The following SRFBP1 variants were observed in gnomAD, a reference collection of about 807,000 sequenced individuals.
SRFBP1 encodes serum response factor binding protein 1, also known as serum response factor-binding protein 1.
Under a neutral mutation model 45.5 loss-of-function variants are expected in SRFBP1, and 47 were observed. That is an observed-to-expected ratio of 1.03 (90% CI 0.82 to 1.32). The LOEUF (loss-of-function observed/expected upper bound fraction) is 1.32. Among genes scored for constraint, SRFBP1 ranks in the 40% most tolerant of loss-of-function variants. The probability of loss-of-function intolerance (pLI) is 0.00; values close to 1 mark genes in which losing one functional copy is unlikely to be tolerated. For missense variants in SRFBP1, 621 were observed against 484.6 expected (o/e 1.28, Z -2.64); for synonymous variants, 203 against 166.3 (o/e 1.22, Z -1.70).
At chr5:122,074,963 T>A (rs1754574552) in intron 2 of SRFBP1, among the ~76,000 whole-genome samples, 1 of 152,234 alleles carries the variant, frequency 6.6e-6, no homozygotes, top group Non-Finnish European at 1.5e-5. Flanking sequence ...TACAGGTCTT[T>A]TAAAAGATGG....
At chr5:121,989,144 A>G (rs181821151) in intron 3 of SRFBP1, among the ~76,000 whole-genome samples, 2 of 151,334 alleles carry the variant, frequency 1.3e-5, no homozygotes, top group Non-Finnish European at 2.9e-5. Flanking sequence ...GCTCACTGCA[A>G]CCTCCACCTC....
At chr5:122,019,380 ATTTGTAGACT>A in intron 5 of SRFBP1, 39 bp downstream of exon 5, 1 of 1,493,088 alleles carries the variant, frequency 6.7e-7, no homozygotes, top group East Asian at 2.3e-5. Flanking sequence ...TACTTAATGT[ATTTGTAGACT>A]TTGGATAATG....
At chr5:122,053,873 A>G (rs1009505837) in intron 2 of SRFBP1, among the ~76,000 whole-genome samples, 5 of 152,134 alleles carry the variant, frequency 3.3e-5, no homozygotes, top group Non-Finnish European at 7.4e-5. Context: ...TTCCTGGTAC[A>G]TCAGGAAGCT....
intron 4 of SRFBP1, among the ~76,000 whole-genome samples, chr5:121,998,483 G>A (rs1752781571): frequency 7.4e-6 from 1 of 135,680 alleles, no homozygotes; most frequent in South Asian, 2.5e-4. Flanking sequence ...CATGGACACA[G>A]GAAGGGGAAT....
intron 2 of SRFBP1, among the ~76,000 whole-genome samples, chr5:122,061,357 T>C (rs751053453): frequency 2.6e-5 from 4 of 151,864 alleles, no homozygotes; most frequent in Non-Finnish European, 5.9e-5. Context: ...GACACAGGCA[T>C]ATTCTTGGTA....
intron 2 of SRFBP1, among the ~76,000 whole-genome samples, chr5:122,037,988 G>A (rs998975227): frequency 6.6e-6 from 1 of 152,172 alleles, no homozygotes; most frequent in Non-Finnish European, 1.5e-5. Flanking sequence ...GTGGAATGTG[G>A]ATGAAAACTA....
At chr5:122,017,074 C>T (rs1362385800) in intron 4 of SRFBP1, among the ~76,000 whole-genome samples, 1 of 151,990 alleles carries the variant, frequency 6.6e-6, no homozygotes, top group Non-Finnish European at 1.5e-5. Context: ...ACTAAAAATA[C>T]AAAAATCAGC....
At chr5:122,031,720 T>TA (rs925442701), downstream of SRFBP1, among the ~76,000 whole-genome samples, 37 of 150,618 alleles carry the variant, frequency 2.5e-4, no homozygotes, top group East Asian at 9.8e-4. Context: ...GCATAATAGC[T>TA]AAAAAAAAAG....
chr5:122,069,415 C>A (rs546184521), intron 2 of SRFBP1, among the ~76,000 whole-genome samples: 1 of 152,164 alleles, frequency 6.6e-6, no homozygotes, highest in African/African-American at 2.4e-5. Flanking sequence ...GCAGTCAAAC[C>A]TACCCAACCT....
chr5:122,014,832 A>G (rs1260570690), intron 4 of SRFBP1, among the ~76,000 whole-genome samples: 3 of 152,200 alleles, frequency 2.0e-5, no homozygotes, highest in Non-Finnish European at 4.4e-5. Flanking sequence ...TATAACTAAG[A>G]TGGGAAGATA....
At chr5:121,998,943 G>C (rs1245161729) in intron 4 of SRFBP1, among the ~76,000 whole-genome samples, 1 of 152,024 alleles carries the variant, frequency 6.6e-6, no homozygotes, top group Non-Finnish European at 1.5e-5. Flanking sequence ...TGCTCCACTT[G>C]AGAACAGATT....
intron 2 of SRFBP1, among the ~76,000 whole-genome samples, chr5:122,058,658 A>G (rs968346157): frequency 2.0e-5 from 3 of 152,024 alleles, no homozygotes; most frequent in Non-Finnish European, 4.4e-5. Flanking sequence ...ACAAAAGCTA[A>G]CACACTTCCC....
intron 1 of SRFBP1, 91 bp downstream of exon 1, chr5:121,962,159 C>G: frequency 6.6e-7 from 1 of 1,517,922 alleles, no homozygotes; most frequent in Non-Finnish European, 9.1e-7. Context: ...ATAGAGGGTG[C>G]GGTTGGAGGA....
At chr5:121,999,785 A>G (rs1752818263) in intron 4 of SRFBP1, among the ~76,000 whole-genome samples, 1 of 152,026 alleles carries the variant, frequency 6.6e-6, no homozygotes. Flanking sequence ...GTTTACATTC[A>G]ATATCTTTCT....
chr5:121,984,102 T>C (rs1176937454), intron 3 of SRFBP1, among the ~76,000 whole-genome samples: 9 of 151,778 alleles, frequency 5.9e-5, no homozygotes, highest in African/African-American at 1.9e-4. Flanking sequence ...ACACATACTT[T>C]TGCAAAATCA....
intron 2 of SRFBP1, among the ~76,000 whole-genome samples, chr5:122,056,777 G>A (rs1754087059): frequency 6.6e-6 from 1 of 152,148 alleles, no homozygotes; most frequent in South Asian, 2.1e-4. Context: ...CTATAAAAAG[G>A]AATCAAGCAC....
intron 2 of SRFBP1, among the ~76,000 whole-genome samples, chr5:122,040,374 T>C (rs778402209): frequency 6.6e-6 from 1 of 152,172 alleles, no homozygotes; most frequent in Non-Finnish European, 1.5e-5. Context: ...ACTGGAATGT[T>C]GTTTGTACTT....
At chr5:122,059,176 G>A (rs115245061) in intron 2 of SRFBP1, among the ~76,000 whole-genome samples, 1,677 of 152,164 alleles carry the variant, frequency 0.011, 35 homozygotes, top group African/African-American at 0.038. Context: ...GGGGCAACAA[G>A]GCTTTGTGAG....
intron 1 of SRFBP1, among the ~76,000 whole-genome samples, chr5:121,964,263 G>A (rs1416003296): frequency 5.9e-5 from 9 of 151,958 alleles, no homozygotes; most frequent in Admixed American, 5.9e-4. Flanking sequence ...TGTTACATAG[G>A]TATACATGTG....
Sources: gnomAD v4.1 joint callset for allele counts (sites outside exome capture counted in the v4.1 genomes callset) on GRCh38, gnomAD v4.1.1 for gene constraint, MANE v1.5 for transcripts, NCBI Gene and HGNC (gene_info 2026-07-23, HGNC 2026-07-21) for gene names.